Variants in TRPM7 observed in about 807,000 individuals in gnomAD.
TRPM7 encodes the protein transient receptor potential cation channel subfamily M member 7, also known as LTRPC ion channel family member 7.
Under a neutral mutation model 229.7 loss-of-function variants are expected in TRPM7, and 134 were observed. The observed-to-expected ratio is 0.58, with a 90% CI of 0.51 to 0.67. The LOEUF (loss-of-function observed/expected upper bound fraction) is 0.67, where lower values mean the gene tolerates loss of function less well. Among genes scored for constraint, TRPM7 ranks in the 30% least tolerant of loss-of-function variants. The pLI is 0.00. For synonymous variants in TRPM7, 699 were observed against 715.2 expected (o/e 0.98, Z 0.36); for missense variants, 1,901 against 2,210.0 (o/e 0.86, Z 2.80).
At chr15:50,570,580 C>T (rs993269154) in intron 36 of TRPM7, among the ~76,000 whole-genome samples, 7 of 151,318 alleles carry the variant, frequency 4.6e-5, no homozygotes, top group African/African-American at 1.5e-4. Flanking sequence ...CAGTGGCTCA[C>T]GCCTGTAATC....
At chr15:50,652,656 G>A (rs1240777689) in intron 3 of TRPM7, among the ~76,000 whole-genome samples, 3 of 151,398 alleles carry the variant, frequency 2.0e-5, no homozygotes, top group African/African-American at 4.9e-5. Flanking sequence ...CAAAAAAATC[G>A]TTTAAGTGGG....
chr15:50,616,325 G>A (rs1257417784), intron 13 of TRPM7, among the ~76,000 whole-genome samples: 1 of 152,162 alleles, frequency 6.6e-6, no homozygotes, highest in African/African-American at 2.4e-5. Flanking sequence ...AGCCACCGAT[G>A]TAACAACAAT....
chr15:50,622,658 G>A (rs12915564), intron 12 of TRPM7, among the ~76,000 whole-genome samples: 2 of 152,208 alleles, frequency 1.3e-5, no homozygotes, highest in African/African-American at 4.8e-5. Flanking sequence ...GGCTGAGGCA[G>A]GCGGATCATC....
At chr15:50,633,686 T>C (rs1176957086) in intron 8 of TRPM7, among the ~76,000 whole-genome samples, 1 of 152,208 alleles carries the variant, frequency 6.6e-6, no homozygotes, top group East Asian at 1.9e-4. Flanking sequence ...CACCATAACT[T>C]ATCTAGTCTT....
chr15:50,637,005 A>C lies in TRPM7; in HGVS notation c.832+417T>G, dbSNP rs1162630996. Among the ~76,000 whole-genome samples the C allele has an allele frequency of 7.9e-5, 12 of 152,192 alleles. No homozygotes were observed. In the East Asian group the frequency reaches 2.3e-3, roughly 29 times the overall value. On this transcript the variant is annotated intron_variant, in intron 7 of 38. Transcript: ENST00000646667. The stretch of plus-strand genomic sequence containing the variant: ...GCTGGGCATGGTAGCGGGCACCTGT[A>C]GTCCTAGCTACTCAGGAGGCTGAGG...
intron 7 of TRPM7, among the ~76,000 whole-genome samples, chr15:50,636,522 C>G (rs1254190494): frequency 2.0e-5 from 3 of 152,170 alleles, no homozygotes; most frequent in Non-Finnish European, 4.4e-5. Context: ...GTTCTGACTC[C>G]ACCATAATCT....
intron 4 of TRPM7, among the ~76,000 whole-genome samples, chr15:50,646,032 G>A (rs561187105): frequency 3.4e-4 from 52 of 151,144 alleles, no homozygotes; most frequent in African/African-American, 1.2e-3. Flanking sequence ...CAGGAGAATC[G>A]CTTGAACCCA....
Position 50,607,330 on chromosome 15 carries a change from T to G in TRPM7, c.2581-2A>C. On this transcript the variant is annotated splice_acceptor_variant, in intron 19 of 38. Transcript: ENST00000646667. LOFTEE classifies it high-confidence loss of function. ...CATCAGAAATCCTAAATATGCCAAC[T>G]AATGAAAAAGTAAAGGTTACATAAA... 1.3e-6 allele frequency: 2 copies of G among 1,562,484 alleles called. No individual in the cohort carries two copies. Among genetic ancestry groups the G allele is most frequent in the Non-Finnish European group, 1.7e-6 (2 of 1,158,646 alleles).
intron 13 of TRPM7, among the ~76,000 whole-genome samples, chr15:50,617,128 A>C (rs2140512976): frequency 7.5e-6 from 1 of 133,784 alleles, no homozygotes; most frequent in South Asian, 2.4e-4. Context: ...CATCTCTACC[A>C]AAAAAATAAA....
rs771594083 is a variant in TRPM7, at chr15:50,637,559, A to T, written c.695T>A (p.Leu232Gln). The change falls in exon 7 of 39, where the codon CTG becomes CAG. Residue 232 changes from leucine (L) to glutamine (Q), a missense_variant. Coordinates refer to ENST00000646667, the MANE Select transcript of TRPM7 (RefSeq NM_017672.6). ...ATTATTCAAAACATTCAATTTGCTC[A>T]GGGGGTTCAATAAGGTTTGATAAGG... ...VAPYQTLLNP[L>Q]SKLNVLNNLH... 1.2e-6 allele frequency: 2 copies of T among 1,614,032 alleles called. No individual in the cohort carries two copies. Among genetic ancestry groups the T allele is most frequent in the Non-Finnish European group, 1.7e-6 (2 of 1,179,964 alleles).
rs576229950 is a variant in TRPM7, at chr15:50,682,624, C to T, written c.3+3907G>A. ...AGCAATTTCCTAAATCCAAAATTAA[C>T]TGTACCAAAAAGTCAACAAAATCTC... On this transcript the variant is annotated intron_variant, in intron 1 of 38. Coordinates refer to ENST00000646667, the MANE Select transcript of TRPM7 (RefSeq NM_017672.6). Among the ~76,000 whole-genome samples the T allele has an allele frequency of 2.0e-5, 3 of 151,472 alleles. No individual in the cohort carries two copies. In the South Asian group the frequency reaches 6.3e-4, roughly 32 times the overall value.
At chr15:50,662,904 A>C (rs781076819) in intron 2 of TRPM7, 63 bp downstream of exon 2, 16 of 1,182,896 alleles carry the variant, frequency 1.4e-5, no homozygotes, top group Non-Finnish European at 1.8e-5. Context: ...CCAATAAAGA[A>C]ATAACAATAT....
rs34461633 is a variant in TRPM7 at position 50,560,012 on chromosome 15, C to CAAAAAAA, written c.*1659_*1665dup. 1 of 79,830 alleles carries CAAAAAAA rather than the reference C, an allele frequency of 1.3e-5. No individual in the cohort carries two copies. Among genetic ancestry groups the CAAAAAAA allele is most frequent in the Non-Finnish European group, 2.4e-5 (1 of 41,770 alleles). The allele number at this position is 79,830 out of a possible 1,614,324, so 4.9% of individuals were successfully genotyped here. ...CAAGCAACAGAGCGAGACTCCGTCT[C>CAAAAAAA]AAAAAAAAAAAAAAAAAAAAAAGTA... On this transcript the variant is annotated 3_prime_UTR_variant, in exon 39 of 39. Transcript: ENST00000646667.
At chr15:50,605,185 A>C (rs765905526) in intron 20 of TRPM7, 41 bp from the exon 21 acceptor site, 2 of 1,500,326 alleles carry the variant, frequency 1.3e-6, no homozygotes, top group Non-Finnish European at 1.8e-6. Flanking sequence ...TAATCAGTTT[A>C]TTCCTATTAA....
chr15:50,670,117 G>A (rs1311319568), intron 1 of TRPM7, among the ~76,000 whole-genome samples: 1 of 152,028 alleles, frequency 6.6e-6, no homozygotes, highest in East Asian at 1.9e-4. Context: ...TCTCTATCAC[G>A]GACACAAGAG....
intron 20 of TRPM7, among the ~76,000 whole-genome samples, chr15:50,605,730 C>G (rs2059902477): frequency 6.6e-6 from 1 of 152,228 alleles, no homozygotes; most frequent in Non-Finnish European, 1.5e-5. Flanking sequence ...ACTACTATTA[C>G]TGTCTCATGA....
chr15:50,580,995 T>A lies in TRPM7; in HGVS notation c.4558-87A>T, dbSNP rs1008137190. On this transcript the variant is annotated intron_variant, in intron 29 of 38. Coordinates refer to ENST00000646667, the MANE Select transcript of TRPM7 (RefSeq NM_017672.6). ...CATAACGGTTTAACTTTTTTTCTTA[T>A]ATTTTAAGAATGAAAGGCCAAAAAA... The A allele has an allele frequency of 1.1e-5, 15 of 1,394,012 alleles. No homozygotes were observed. In the East Asian group the frequency reaches 3.3e-4, roughly 31 times the overall value. The allele number at this position is 1,394,012 out of a possible 1,614,324, so 86.4% of individuals were successfully genotyped here.
chr15:50,643,253 C>T, intron 5 of TRPM7, 87 bp downstream of exon 5: 1 of 1,092,226 alleles, frequency 9.2e-7, no homozygotes, highest in Admixed American at 2.0e-5. Flanking sequence ...TGTGCCATTG[C>T]ACTCCAGCCT....
intron 1 of TRPM7, among the ~76,000 whole-genome samples, chr15:50,676,563 AT>A (rs904583380): frequency 1.2e-4 from 18 of 150,410 alleles, no homozygotes; most frequent in African/African-American, 3.7e-4. Flanking sequence ...TATCGTTTAA[AT>A]TTTTTTTTTA....
Sources: gnomAD v4.1 joint callset for allele counts (sites outside exome capture counted in the v4.1 genomes callset) on GRCh38, gnomAD v4.1.1 for gene constraint, MANE v1.5 for transcripts, NCBI Gene and HGNC (gene_info 2026-07-23, HGNC 2026-07-21) for gene names.